BMPR2: variants seen among roughly 807,000 people sequenced by gnomAD.
The protein encoded by BMPR2 is bone morphogenetic protein receptor type-2.
Under a neutral mutation model 100.8 loss-of-function variants are expected in BMPR2, and 29 were observed. The observed-to-expected ratio is 0.29, with a 90% confidence interval of 0.21 to 0.39. The LOEUF (loss-of-function observed/expected upper bound fraction) is 0.39. Among genes scored for constraint, BMPR2 ranks in the 10% least tolerant of loss-of-function variants. The pLI is 1.00. For synonymous variants in BMPR2, 382 were observed against 442.3 expected (o/e 0.86, Z 1.71); for missense variants, 1,011 against 1,274.5 (o/e 0.79, Z 3.15).
intron 6 of BMPR2, 148 bp downstream of exon 6, chr2:202,519,200 T>TA: frequency 1.3e-6 from 1 of 796,578 alleles, no homozygotes; most frequent in Non-Finnish European, 2.1e-6. Context: ...CCGTCTCTAC[T>TA]AAAAATACAA....
intron 2 of BMPR2, among the ~76,000 whole-genome samples, chr2:202,466,030 CATT>C (rs148843480): frequency 5.4e-4 from 82 of 152,244 alleles, no homozygotes; most frequent in Non-Finnish European, 1.0e-3. Context: ...TATTGGTAGA[CATT>C]ATGTTATTTT....
chr2:202,382,363 T>G (rs1311546886), intron 1 of BMPR2, among the ~76,000 whole-genome samples: 1 of 151,946 alleles, frequency 6.6e-6, no homozygotes, highest in African/African-American at 2.4e-5. Flanking sequence ...CGAAATTTTT[T>G]TATTTTTAGT....
At chr2:202,552,257 T>A (rs899750790) in intron 10 of BMPR2, among the ~76,000 whole-genome samples, 2 of 152,220 alleles carry the variant, frequency 1.3e-5, no homozygotes, top group Admixed American at 1.3e-4. Context: ...CCCAAAGTGC[T>A]GGGATTATAG....
chr2:202,471,695 A>G (rs1335205803), intron 3 of BMPR2, among the ~76,000 whole-genome samples: 1 of 152,226 alleles, frequency 6.6e-6, no homozygotes, highest in Non-Finnish European at 1.5e-5. Flanking sequence ...AGGAAGCAAA[A>G]AAGACTGGAC....
chr2:202,548,434 G>A (rs571329546), intron 10 of BMPR2, among the ~76,000 whole-genome samples: 2 of 151,994 alleles, frequency 1.3e-5, no homozygotes, highest in South Asian at 4.2e-4. Flanking sequence ...CTGCAGTCCA[G>A]CCTGGGCAAC....
chr2:202,546,040 TTATTA>T (rs1688369693), intron 10 of BMPR2, among the ~76,000 whole-genome samples: 1 of 152,220 alleles, frequency 6.6e-6, no homozygotes, highest in Non-Finnish European at 1.5e-5. Context: ...GGCAACCCTA[TTATTA>T]TGAGATATGC....
chr2:202,520,336 T>G, intron 7 of BMPR2, 135 bp downstream of exon 7: 1 of 736,058 alleles, frequency 1.4e-6, no homozygotes, highest in Non-Finnish European at 2.3e-6. Flanking sequence ...TTTGAAAGAT[T>G]CAGCATGAAA....
At chr2:202,430,534 T>A (rs1691481823) in intron 1 of BMPR2, among the ~76,000 whole-genome samples, 1 of 152,244 alleles carries the variant, frequency 6.6e-6, no homozygotes, top group South Asian at 2.1e-4. Flanking sequence ...GGTAGACGCC[T>A]AGAGTAGGTC....
rs554641897 is a variant in BMPR2, at chr2:202,406,516, C to G, written c.76+28966C>G. Among the ~76,000 whole-genome samples, 8 of 152,126 alleles carry G rather than the reference C, an allele frequency of 5.3e-5. No homozygotes were observed. In the East Asian group the frequency reaches 1.5e-3, roughly 29 times the overall value. ...TTAAGGCCCAGGCCATAACAGGAGT[C>G]CTACTGTTTTATTTTCTGGAAAGTG... On this transcript the variant is annotated intron_variant, in intron 1 of 12. Transcript: ENST00000374580.
chr2:202,473,793 AAT>A (rs1435049524), intron 3 of BMPR2, among the ~76,000 whole-genome samples: 1 of 141,860 alleles, frequency 7.0e-6, no homozygotes, highest in East Asian at 2.1e-4. Context: ...ACTGTCTCAA[AAT>A]AAATAAAATA....
At chr2:202,537,201 A>G (rs375559475) in intron 9 of BMPR2, among the ~76,000 whole-genome samples, 5 of 152,168 alleles carry the variant, frequency 3.3e-5, no homozygotes, top group Non-Finnish European at 7.3e-5. Context: ...CAAACCCACA[A>G]GTATTGTATT....
At chr2:202,546,903 GTGTTTTGTTT>G (rs112692454) in intron 10 of BMPR2, among the ~76,000 whole-genome samples, 31,687 of 141,634 alleles carry the variant, frequency 0.22, 3,855 homozygotes, top group South Asian at 0.35. Flanking sequence ...TGCCCAGCCG[GTGTTTTGTTT>G]TGTTTTGTTT....
intron 3 of BMPR2, among the ~76,000 whole-genome samples, chr2:202,481,786 C>T (rs112402626): frequency 2.0e-3 from 301 of 152,226 alleles, no homozygotes; most frequent in African/African-American, 6.7e-3. Flanking sequence ...GTCAAGACAG[C>T]TGCATGTAGT....
intron 1 of BMPR2, among the ~76,000 whole-genome samples, chr2:202,443,645 C>A (rs1691792948): frequency 6.7e-6 from 1 of 150,158 alleles, no homozygotes; most frequent in Admixed American, 6.6e-5. Flanking sequence ...CTGACTACAA[C>A]CTCCACCTCC....
chr2:202,523,985 G>A (rs772499218), intron 7 of BMPR2, among the ~76,000 whole-genome samples: 1 of 152,064 alleles, frequency 6.6e-6, no homozygotes. Context: ...CGTAAACATC[G>A]GGTACTCATG....
At chr2:202,443,432 T>G (rs1691785307) in intron 1 of BMPR2, among the ~76,000 whole-genome samples, 1 of 150,620 alleles carries the variant, frequency 6.6e-6, no homozygotes, top group Non-Finnish European at 1.5e-5. Flanking sequence ...CCACCAACAG[T>G]GTACAAGGGT....
intron 3 of BMPR2, 38 bp from the exon 4 acceptor site, chr2:202,513,681 T>TAA: frequency 7.2e-7 from 1 of 1,395,978 alleles, no homozygotes; most frequent in African/African-American, 1.4e-5. Flanking sequence ...AATACTTTTT[T>TAA]AAAAAAAAAT....
At chr2:202,545,212 C>CT (rs1559071118) in intron 10 of BMPR2, among the ~76,000 whole-genome samples, 3 of 45,410 alleles carry the variant, frequency 6.6e-5, no homozygotes, top group African/African-American at 1.0e-4. Context: ...TCCCGTCCCC[C>CT]TCCCCTCCCC....
intron 1 of BMPR2, among the ~76,000 whole-genome samples, chr2:202,428,182 T>C (rs1329830297): frequency 1.3e-5 from 2 of 152,206 alleles, no homozygotes; most frequent in African/African-American, 2.4e-5. Context: ...TATTCTACTA[T>C]GCTAACTTTA....
Sources: gnomAD v4.1 joint callset for allele counts (sites outside exome capture counted in the v4.1 genomes callset) on GRCh38, gnomAD v4.1.1 for gene constraint, MANE v1.5 for transcripts, NCBI Gene and HGNC (gene_info 2026-07-23, HGNC 2026-07-21) for gene names.